TRIM23: variants seen among roughly 807,000 people sequenced by gnomAD.
TRIM23 encodes E3 ubiquitin-protein ligase TRIM23.
Under a neutral mutation model 71.0 loss-of-function variants are expected in TRIM23, and 27 were observed. The observed-to-expected ratio is 0.38, with a 90% confidence interval of 0.28 to 0.52. TRIM23 has a LOEUF of 0.52. Ranked by LOEUF, TRIM23 falls within the 20% of genes least tolerant of loss-of-function variation. The probability of loss-of-function intolerance (pLI) is 0.84; values close to 1 mark genes in which losing one functional copy is unlikely to be tolerated. For missense variants in TRIM23, 482 were observed against 692.3 expected, an observed-to-expected ratio of 0.70 and a Z score of 3.41; for synonymous variants, 234 against 238.0, an observed-to-expected ratio of 0.98 and a Z score of 0.16.
chr5:65,600,993 A>C (rs1754347833), intron 7 of TRIM23, among the ~76,000 whole-genome samples: 1 of 152,248 alleles, frequency 6.6e-6, no homozygotes. Context: ...GAAAATAACA[A>C]GTGTTGGTGA....
chr5:65,605,295 A>C (rs1246683102), intron 6 of TRIM23, among the ~76,000 whole-genome samples: 2 of 152,236 alleles, frequency 1.3e-5, no homozygotes, highest in East Asian at 3.9e-4. Context: ...GCTACACGTG[A>C]TGATAGAAAT....
Position 65,594,563 on chromosome 5 carries a change from T to C in TRIM23, c.1503A>G (p.Lys501=). Residue 501 remains lysine, a synonymous_variant, in exon 10 of 11, where the codon AAA becomes AAG. Transcript: ENST00000231524. ...HSELAKLLTE[K]ELRDALLLIF... is the part of the protein sequence containing the mutation. ...TCAGGAGCAGAGCATCTCGGAGTTC[T>C]TTTTCCGTTAACAACTTTGCAAGTT... The C allele has an allele frequency of 6.2e-7, 1 of 1,611,214 alleles. No homozygotes were observed. The highest frequency in any genetic ancestry group is 8.5e-7 in the Non-Finnish European group (1 of 1,178,836).
intron 2 of TRIM23, among the ~76,000 whole-genome samples, chr5:65,617,467 AGAACTTAC>A (rs1447358437): frequency 6.6e-6 from 1 of 152,236 alleles, no homozygotes; most frequent in African/African-American, 2.4e-5. Flanking sequence ...GTAAACTTAC[AGAACTTAC>A]GTTTGTAAAA....
intron 6 of TRIM23, chr5:65,607,011 A>G (rs1754526751): frequency 6.6e-6 from 1 of 152,256 alleles, no homozygotes; most frequent in Non-Finnish European, 1.5e-5. Flanking sequence ...CATATTTGCT[A>G]AATGAATAAA....
In TRIM23 at chr5:65,603,962, C is replaced by CTT. The variant is rs34264463; in HGVS notation, c.1179+947_1179+948dup. 4.9e-3 allele frequency among the ~76,000 whole-genome samples: 731 copies of CTT among 147,978 alleles called. 9 individuals are homozygous for CTT. The highest frequency in any genetic ancestry group is 0.028 in the Middle Eastern group (8 of 282). On this transcript the variant is annotated intron_variant, in intron 7 of 10. Coordinates refer to ENST00000231524, the MANE Select transcript of TRIM23 (RefSeq NM_001656.4). ...TTTTGGTGTAATAATGATATTTTGG[C>CTT]TTTTTTTTTTTAAGTGACGGGAATT...
chr5:65,612,678 G>A (rs1360343326), intron 3 of TRIM23, among the ~76,000 whole-genome samples: 4 of 152,088 alleles, frequency 2.6e-5, no homozygotes, highest in Non-Finnish European at 4.4e-5. Context: ...AATTAGTCAG[G>A]TGTGGTGGTA....
In TRIM23 at chr5:65,591,197, A is replaced by C; in HGVS notation, c.*572T>G. The C allele has an allele frequency of 8.5e-7, 1 of 1,171,074 alleles. No homozygotes were observed. The highest frequency in any genetic ancestry group is 2.2e-5 in the South Asian group (1 of 44,466). The allele number at this position is 1,171,074 out of a possible 1,614,324, so 72.5% of individuals were successfully genotyped here. A position where few individuals can be genotyped will look rare whatever the true frequency, so the allele number is the denominator to read the frequency against. ...ACTATATAAAGTATTAATTTTCTGTACCTTATAGTTCTTAGCATTAAAGGT... is the reference window on the plus strand; with the variant it reads ...ACTATATAAAGTATTAATTTTCTGTCCCTTATAGTTCTTAGCATTAAAGGT... On this transcript the variant is annotated 3_prime_UTR_variant, in exon 11 of 11. Transcript: ENST00000231524.
At chr5:65,594,302 A>C (rs41268433) in intron 10 of TRIM23, among the ~76,000 whole-genome samples, 3,734 of 152,292 alleles carry the variant, frequency 0.025, 80 homozygotes, top group Admixed American at 0.056. Context: ...TTATGTGTTC[A>C]TATGCATACA....
Position 65,590,823 on chromosome 5 carries a change from C to T in TRIM23, c.*946G>A. 1.0e-6 allele frequency: 1 copy of T among 985,446 alleles called. No individual in the cohort carries two copies. The highest frequency in any genetic ancestry group is 1.2e-6 in the Non-Finnish European group (1 of 830,002). 61.0% of individuals were successfully genotyped at this position (985,446 alleles called of 1,614,324 possible). ...TAAGTAATAAGCATTTGCCACTGTA[C>T]TTACAACTTCTCTTGAAGTTCGCTT... is the stretch of plus-strand genomic sequence containing the variant. On this transcript the variant is annotated 3_prime_UTR_variant, in exon 11 of 11. Transcript: ENST00000231524.
intron 2 of TRIM23, among the ~76,000 whole-genome samples, chr5:65,616,222 A>G (rs1253685094): frequency 6.6e-6 from 1 of 152,226 alleles, no homozygotes; most frequent in South Asian, 2.1e-4. Flanking sequence ...TTCAGGATTC[A>G]GAGAAGTCAG....
At position 65,590,738 on chromosome 5, in the gene TRIM23, T is replaced by A; in HGVS notation, c.*1031A>T. On this transcript the variant is annotated 3_prime_UTR_variant, in exon 11 of 11. Transcript: ENST00000231524. The stretch of plus-strand genomic sequence containing the variant: ...AGAGTAACTTTTCAAGGCCTTCTCA[T>A]GAACAGCCTTAAGTTTTATTGTCAA... The A allele has an allele frequency of 1.0e-6, 1 of 985,566 alleles. No individual in the cohort carries two copies. Among genetic ancestry groups the A allele is most frequent in the Non-Finnish European group, 1.2e-6 (1 of 830,016 alleles). The allele number at this position is 985,566 out of a possible 1,614,324, so 61.1% of individuals were successfully genotyped here.
At position 65,597,084 on chromosome 5, in the gene TRIM23, G is replaced by C; in HGVS notation, c.1276C>G (p.Gln426Glu). ...GKTTILFKLK[Q>E]DEFMQPIPTI... Reference sequence around the variant, plus strand: ...GGAATGGGCTGCATGAATTCATCCTGTTTTAACTTAAACAAGATAGTAGTT... The same window carrying C: ...GGAATGGGCTGCATGAATTCATCCTCTTTTAACTTAAACAAGATAGTAGTT... The change falls in exon 8 of 11, where the codon CAG becomes GAG. Residue 426 changes from glutamine (Q) to glutamate (E), a missense_variant. Gln to Glu is a conservative substitution (Grantham distance 29, BLOSUM62 2). Around this residue, in one of 2 missense-constraint regions of TRIM23, gnomAD observed 307 missense variants for 495.8 expected, o/e 0.62. Transcript: ENST00000231524. 2 of 1,614,088 alleles carry C rather than the reference G, an allele frequency of 1.2e-6. No individual in the cohort carries two copies. Among genetic ancestry groups the C allele is most frequent in the Non-Finnish European group, 8.5e-7 (1 of 1,180,006 alleles).
At chr5:65,611,116 CTA>C in intron 4 of TRIM23, 73 bp from the exon 5 acceptor site, 3 of 1,322,674 alleles carry the variant, frequency 2.3e-6, no homozygotes, top group Non-Finnish European at 3.0e-6. Context: ...ATTTAAATCC[CTA>C]TTAATACAAA....
Position 65,618,078 on chromosome 5 carries a change from A to C in TRIM23, c.244+15T>G. ...ACAATTTTCAATCTTAAATCCATAC[A>C]AATACTTTTCCTACCTAGGTCTGTT... On this transcript the variant is annotated intron_variant, in intron 2 of 10. Transcript: ENST00000231524. 6.3e-7 allele frequency: 1 copy of C among 1,586,316 alleles called. No individual in the cohort carries two copies. The highest frequency in any genetic ancestry group is 8.6e-7 in the Non-Finnish European group (1 of 1,166,884).
chr5:65,597,332 G>C, intron 7 of TRIM23, 152 bp from the exon 8 acceptor site: 1 of 920,476 alleles, frequency 1.1e-6, no homozygotes, highest in South Asian at 1.9e-5. Context: ...TCAAGAAGAT[G>C]AAATCCTTCC....
chr5:65,614,364 A>G (rs1754729089), intron 2 of TRIM23, 145 bp from the exon 3 acceptor site: 1 of 736,250 alleles, frequency 1.4e-6, no homozygotes, highest in African/African-American at 1.8e-5. Context: ...TTTAATACCA[A>G]AATAATTGCT....
intron 5 of TRIM23, among the ~76,000 whole-genome samples, chr5:65,610,464 T>A (rs915854796): frequency 1.3e-5 from 2 of 152,264 alleles, no homozygotes; most frequent in African/African-American, 4.8e-5. Flanking sequence ...TTTAAGTCTC[T>A]ACAATATGTA....
intron 3 of TRIM23, chr5:65,613,652 A>T: frequency 2.7e-6 from 3 of 1,111,892 alleles, no homozygotes; most frequent in South Asian, 2.1e-5. Flanking sequence ...TCTTGAAGCT[A>T]TAACAGTAAC....
intron 8 of TRIM23, 105 bp from the exon 9 acceptor site, chr5:65,596,636 C>A: frequency 1.4e-6 from 1 of 699,290 alleles, no homozygotes; most frequent in Non-Finnish European, 2.4e-6. Context: ...ATCAAATTAT[C>A]TACATGCAGC....
Sources: gnomAD v4.1 joint callset for allele counts (sites outside exome capture counted in the v4.1 genomes callset) on GRCh38, gnomAD v4.1.1 for gene constraint, gnomAD v4.1.1 regional missense constraint, MANE v1.5 for transcripts, NCBI Gene and HGNC (gene_info 2026-07-23, HGNC 2026-07-21) for gene names.